The following DLC1 variants were observed in gnomAD, a reference collection of about 807,000 sequenced individuals.
The protein encoded by DLC1 is rho GTPase-activating protein 7.
DLC1 carries 54 observed loss-of-function variants against 140.3 expected under a neutral mutation model. That is an observed-to-expected ratio of 0.38 (90% CI 0.31 to 0.48). DLC1 has a LOEUF of 0.48. Ranked by LOEUF, DLC1 falls within the 20% of genes least tolerant of loss-of-function variation. The pLI is 0.96. For synonymous variants in DLC1, 986 were observed against 728.1 expected (o/e 1.35, Z -5.70); for missense variants, 2,536 against 1,907.0 (o/e 1.33, Z -6.14).
At chr8:13,104,814 A>T (rs1472588277) in intron 7 of DLC1, among the ~76,000 whole-genome samples, 2 of 152,246 alleles carry the variant, frequency 1.3e-5, no homozygotes, top group East Asian at 3.8e-4. Context: ...GCCTAGGTTC[A>T]GAAAAGTTCT....
At chr8:13,414,260 G>A (rs931902055) in intron 2 of DLC1, among the ~76,000 whole-genome samples, 2 of 151,938 alleles carry the variant, frequency 1.3e-5, no homozygotes, top group Non-Finnish European at 2.9e-5. Context: ...CCTTATTATT[G>A]GTATGAAAAG....
At chr8:13,571,306 C>G (rs1254411889) in intron 1 of DLC1, among the ~76,000 whole-genome samples, 1 of 152,176 alleles carries the variant, frequency 6.6e-6, no homozygotes, top group Non-Finnish European at 1.5e-5. Context: ...ACCATCACCA[C>G]TGTTTTCAGA....
At chr8:13,247,655 C>T (rs76531829) in intron 5 of DLC1, among the ~76,000 whole-genome samples, 7,579 of 152,272 alleles carry the variant, frequency 0.05, 243 homozygotes, top group South Asian at 0.14. Flanking sequence ...TCGCATGATA[C>T]CGTTTCCCAT....
intron 1 of DLC1, among the ~76,000 whole-genome samples, chr8:13,541,840 C>T (rs1049155055): frequency 1.4e-4 from 22 of 152,312 alleles, no homozygotes; most frequent in African/African-American, 5.1e-4. Flanking sequence ...TGAACCACCT[C>T]ACCCAGCTGA....
intron 3 of DLC1, among the ~76,000 whole-genome samples, chr8:13,399,257 G>A (rs1322189553): frequency 1.3e-5 from 2 of 152,178 alleles, no homozygotes; most frequent in East Asian, 3.8e-4. Context: ...TCTGGTTCTG[G>A]AAGTGGTACT....
chr8:13,223,192 T>C (rs1041049884), intron 5 of DLC1, among the ~76,000 whole-genome samples: 5 of 151,926 alleles, frequency 3.3e-5, no homozygotes, highest in African/African-American at 1.2e-4. Flanking sequence ...TAATGTGAAA[T>C]GCTACATATA....
intron 2 of DLC1, among the ~76,000 whole-genome samples, chr8:13,474,503 C>T (rs1213604824): frequency 1.3e-5 from 2 of 152,282 alleles, no homozygotes; most frequent in Non-Finnish European, 2.9e-5. Context: ...GAGAAAAGGG[C>T]CACTGTCCTC....
chr8:13,443,657 CAAAAAAA>C (rs11321891), intron 2 of DLC1, among the ~76,000 whole-genome samples: 1 of 67,034 alleles, frequency 1.5e-5, no homozygotes, highest in African/African-American at 4.6e-5. Flanking sequence ...GACTCCGTCT[CAAAAAAA>C]AAAAAAAAAA....
intron 5 of DLC1, among the ~76,000 whole-genome samples, chr8:13,247,040 G>A (rs975283047): frequency 6.6e-6 from 1 of 152,146 alleles, no homozygotes; most frequent in African/African-American, 2.4e-5. Context: ...ATGCCATCCT[G>A]TGCTCTCAAC....
At chr8:13,268,524 A>G (rs1187310448) in intron 5 of DLC1, among the ~76,000 whole-genome samples, 1 of 152,142 alleles carries the variant, frequency 6.6e-6, no homozygotes, top group African/African-American at 2.4e-5. Flanking sequence ...ATTTGGGGCT[A>G]CAGGTGCATG....
chr8:13,339,013 T>C (rs938860303), intron 4 of DLC1, among the ~76,000 whole-genome samples: 6 of 152,160 alleles, frequency 3.9e-5, no homozygotes, highest in African/African-American at 1.4e-4. Flanking sequence ...ACTTCATATG[T>C]AACAATGCGT....
At chr8:13,332,369 C>A (rs954722731) in intron 4 of DLC1, among the ~76,000 whole-genome samples, 1 of 151,974 alleles carries the variant, frequency 6.6e-6, no homozygotes, top group Admixed American at 6.6e-5. Flanking sequence ...GACCAGAGCA[C>A]ACATAGCATA....
intron 5 of DLC1, among the ~76,000 whole-genome samples, chr8:13,150,942 A>G (rs1323710266): frequency 6.6e-6 from 1 of 152,208 alleles, no homozygotes; most frequent in Non-Finnish European, 1.5e-5. Flanking sequence ...AACTTGCTAC[A>G]TTCTATTAGG....
chr8:13,181,547 T>C (rs191385131), intron 5 of DLC1, among the ~76,000 whole-genome samples: 42 of 149,598 alleles, frequency 2.8e-4, no homozygotes, highest in African/African-American at 1.0e-3. Context: ...CTAAGTGATC[T>C]CATTGTTCAA....
At chr8:13,355,698 T>C (rs1834909318) in intron 4 of DLC1, among the ~76,000 whole-genome samples, 1 of 152,186 alleles carries the variant, frequency 6.6e-6, no homozygotes, top group African/African-American at 2.4e-5. Context: ...GCACAATCAC[T>C]GTAGAACAAC....
At chr8:13,107,448 T>A (rs1167433722) in intron 7 of DLC1, among the ~76,000 whole-genome samples, 1 of 152,200 alleles carries the variant, frequency 6.6e-6, no homozygotes, top group African/African-American at 2.4e-5. Flanking sequence ...AAAGATTTTG[T>A]AAAATGTTTA....
At chr8:13,382,278 C>A (rs1483933234) in intron 4 of DLC1, among the ~76,000 whole-genome samples, 1 of 151,660 alleles carries the variant, frequency 6.6e-6, no homozygotes, top group African/African-American at 2.4e-5. Flanking sequence ...GAGGCCGAGG[C>A]GGGCGGATCA....
chr8:13,524,159 T>A (rs553967728), intron 1 of DLC1, among the ~76,000 whole-genome samples: 1 of 147,442 alleles, frequency 6.8e-6, no homozygotes, highest in Admixed American at 6.8e-5. Context: ...TATTATTGAG[T>A]CAGAATCTCA....
In DLC1 at chr8:13,100,138, G is replaced by A. The variant is rs34941980; in HGVS notation, c.2199C>T (p.Ser733=). 1.8e-3 allele frequency: 2,961 copies of A among 1,614,100 alleles called. 55 individuals are homozygous for A. In the African/African-American group the frequency reaches 0.034, roughly 19 times the overall value. The part of the protein sequence containing the change: ...RINVPMVRKR[S]VSNSTQTSSS... ...TGCTGGTCTGCGTGGAGTTGGAAAC[G>A]CTCCTCTTTCGTACCATGGGGACGT... The change falls in exon 9 of 18, where the codon AGC becomes AGT. Residue 733 remains serine, a synonymous_variant. Coordinates refer to ENST00000276297, the MANE Select transcript of DLC1 (RefSeq NM_182643.3).
Sources: allele counts gnomAD v4.1 joint callset (sites outside exome capture counted in the v4.1 genomes callset), GRCh38; gene constraint gnomAD v4.1.1; transcripts MANE v1.5; gene names NCBI Gene and HGNC (gene_info 2026-07-23, HGNC 2026-07-21).